The following PTPRK variants were observed in gnomAD, a reference collection of about 807,000 sequenced individuals.
PTPRK encodes receptor-type tyrosine-protein phosphatase kappa.
PTPRK carries 75 observed loss-of-function variants against 178.0 expected under a neutral mutation model. The observed-to-expected ratio is 0.42, with a 90% CI of 0.35 to 0.51. PTPRK has a LOEUF of 0.51. Among genes scored for constraint, PTPRK ranks in the 20% least tolerant of loss-of-function variants. The pLI is 0.02. For synonymous variants in PTPRK, 637 were observed against 620.6 expected (o/e 1.03, Z -0.39); for missense variants, 1,441 against 1,797.8 (o/e 0.80, Z 3.59).
At chr6:128,187,215 G>C (rs1238868397) in intron 6 of PTPRK, among the ~76,000 whole-genome samples, 3 of 151,956 alleles carry the variant, frequency 2.0e-5, no homozygotes, top group Non-Finnish European at 4.4e-5. Context: ...GAGAGCAAAA[G>C]ATGAGAGAGG....
intron 1 of PTPRK, among the ~76,000 whole-genome samples, chr6:128,398,102 T>TACTGAAAATGAAAGTACACCC (rs1183432135): frequency 6.6e-6 from 1 of 152,138 alleles, no homozygotes; most frequent in Non-Finnish European, 1.5e-5. Context: ...AGCAGAGATT[T>TACTGAAAATGAAAGTACACCC]ACTGAAAATG....
chr6:128,240,153 G>T lies in PTPRK; in HGVS notation c.578-3C>A. On this transcript the variant is annotated splice_polypyrimidine_tract_variant and splice_region_variant and intron_variant, in intron 4 of 29. Transcript: ENST00000368226. ...ACGGAGGAAATGAGGAGATTTATCT[G>T]TGAAGGAAGGGAAAAAAAAATGTAT... is the stretch of plus-strand genomic sequence containing the variant. 6.3e-7 allele frequency: 1 copy of T among 1,585,872 alleles called. No individual in the cohort carries two copies. Among genetic ancestry groups the T allele is most frequent in the Non-Finnish European group, 8.6e-7 (1 of 1,162,560 alleles).
At chr6:128,342,470 T>A (rs1831801219) in intron 2 of PTPRK, among the ~76,000 whole-genome samples, 1 of 152,072 alleles carries the variant, frequency 6.6e-6, no homozygotes, top group Non-Finnish European at 1.5e-5. Context: ...TGGTCAATTG[T>A]AATTGCCTAC....
chr6:128,200,687 G>A (rs1805737908), intron 6 of PTPRK, among the ~76,000 whole-genome samples: 1 of 151,444 alleles, frequency 6.6e-6, no homozygotes, highest in Non-Finnish European at 1.5e-5. Flanking sequence ...ACCAGTCTAG[G>A]TGACAGAGAG....
chr6:128,280,374 T>A (rs923504316), intron 3 of PTPRK, among the ~76,000 whole-genome samples: 3 of 152,184 alleles, frequency 2.0e-5, no homozygotes, highest in African/African-American at 4.8e-5. Context: ...TGTTCCTATA[T>A]GATCTCAGTA....
chr6:127,973,762 C>T lies in PTPRK; in HGVS notation c.4035G>A (p.Val1345=), dbSNP rs772558164. ...QYLGWASHRE[V]PGSKRSFLKL... is the part of the protein sequence containing the mutation. ...TCAAGAATGACCTTTTGGATCCAGG[C>T]ACTTCTCGATGAGAAGCCCATCCTA... The change falls in exon 28 of 30, where the codon GTG becomes GTA. Residue 1345 remains valine, a synonymous_variant. Transcript: ENST00000368226. The T allele has an allele frequency of 9.3e-6, 15 of 1,613,916 alleles. No homozygotes were observed. In the Admixed American group the frequency reaches 2.3e-4, roughly 25 times the overall value.
At chr6:128,093,788 T>TC (rs1270865993) in intron 7 of PTPRK, among the ~76,000 whole-genome samples, 2 of 151,912 alleles carry the variant, frequency 1.3e-5, no homozygotes, top group Non-Finnish European at 2.9e-5. Flanking sequence ...CAGTGTACTA[T>TC]CCTAAGTATT....
chr6:128,259,568 T>C (rs1308985688), intron 3 of PTPRK, among the ~76,000 whole-genome samples: 1 of 152,126 alleles, frequency 6.6e-6, no homozygotes, highest in Non-Finnish European at 1.5e-5. Context: ...AAGGTGAGAT[T>C]ATGGATTACT....
chr6:128,506,618 C>T (rs556198097), intron 1 of PTPRK, among the ~76,000 whole-genome samples: 1 of 146,110 alleles, frequency 6.8e-6, no homozygotes, highest in Admixed American at 6.8e-5. Context: ...TATGTTCACA[C>T]CACTGCATTC....
At chr6:128,316,218 G>T (rs1177547091) in intron 3 of PTPRK, among the ~76,000 whole-genome samples, 2 of 152,150 alleles carry the variant, frequency 1.3e-5, no homozygotes, top group Non-Finnish European at 2.9e-5. Flanking sequence ...GCAAACCAAA[G>T]TGAGTGCTAG....
At chr6:127,986,418 G>A (rs1775985468) in intron 21 of PTPRK, among the ~76,000 whole-genome samples, 1 of 152,116 alleles carries the variant, frequency 6.6e-6, no homozygotes, top group Non-Finnish European at 1.5e-5. Context: ...TGTTCTTTGG[G>A]CAAACTATTT....
intron 1 of PTPRK, among the ~76,000 whole-genome samples, chr6:128,424,246 A>T (rs1215963399): frequency 6.6e-6 from 1 of 152,086 alleles, no homozygotes; most frequent in African/African-American, 2.4e-5. Context: ...AAACATTAAT[A>T]AATAAATAAA....
At chr6:128,350,209 T>A (rs1584298568) in intron 2 of PTPRK, among the ~76,000 whole-genome samples, 1 of 152,056 alleles carries the variant, frequency 6.6e-6, no homozygotes, top group Non-Finnish European at 1.5e-5. Context: ...AGACACTAGA[T>A]TTTTACAGGG....
chr6:128,326,070 C>T (rs887420774), intron 2 of PTPRK, among the ~76,000 whole-genome samples: 3 of 152,064 alleles, frequency 2.0e-5, no homozygotes, highest in Non-Finnish European at 2.9e-5. Context: ...ATCACAAGAA[C>T]AGAAAACCAA....
At position 128,275,505 on chromosome 6, in the gene PTPRK, A is replaced by G. The variant is rs147562695; in HGVS notation, c.496-32903T>C. ...ATTTGGGGTCTATTTGGCTCTAAAG[A>G]AAAAAGAGCTAATCAATTGCTAACT... On this transcript the variant is annotated intron_variant, in intron 3 of 29. Coordinates refer to ENST00000368226, the MANE Select transcript of PTPRK (RefSeq NM_002844.4). Among the ~76,000 whole-genome samples the G allele has an allele frequency of 6.3e-3, 953 of 152,180 alleles. 11 individuals are homozygous for G. Among genetic ancestry groups the G allele is most frequent in the African/African-American group, 0.022 (902 of 41,550 alleles).
intron 1 of PTPRK, among the ~76,000 whole-genome samples, chr6:128,463,127 C>T (rs529695036): frequency 1.9e-4 from 29 of 152,066 alleles, no homozygotes; most frequent in Non-Finnish European, 3.4e-4. Context: ...AAACATATCA[C>T]CACAAAAGGT....
chr6:128,445,093 G>C (rs999061355), intron 1 of PTPRK, among the ~76,000 whole-genome samples: 1 of 150,712 alleles, frequency 6.6e-6, no homozygotes, highest in Non-Finnish European at 1.5e-5. Flanking sequence ...GGCCAGGTGC[G>C]GTAGCTCATG....
At chr6:128,159,987 T>C (rs1798469923) in intron 7 of PTPRK, among the ~76,000 whole-genome samples, 1 of 151,780 alleles carries the variant, frequency 6.6e-6, no homozygotes, top group Non-Finnish European at 1.5e-5. Context: ...ACAAATTACA[T>C]ATTGTTATAA....
chr6:128,264,231 G>C (rs948156136), intron 3 of PTPRK, among the ~76,000 whole-genome samples: 1 of 152,054 alleles, frequency 6.6e-6, no homozygotes, highest in African/African-American at 2.4e-5. Context: ...ATTGTACTAA[G>C]CACCCACTGC....
Sources: allele counts gnomAD v4.1 joint callset (sites outside exome capture counted in the v4.1 genomes callset), GRCh38; gene constraint gnomAD v4.1.1; transcripts MANE v1.5; gene names NCBI Gene and HGNC (gene_info 2026-07-23, HGNC 2026-07-21).